Variants in PCDHGA11 observed in about 807,000 individuals in gnomAD.
The protein encoded by PCDHGA11 is protocadherin gamma subfamily A, 11, also known as protocadherin gamma-A11.
In PCDHGA11, 39 loss-of-function variants were observed where a neutral mutation model predicts 60.4. The observed-to-expected ratio is 0.65, with a 90% CI of 0.50 to 0.84. The LOEUF is 0.84. Ranked by LOEUF, PCDHGA11 falls within the 40% of genes least tolerant of loss-of-function variation. The pLI is 0.00. For missense variants in PCDHGA11, 1,165 were observed against 1,197.7 expected (o/e 0.97, Z 0.40); for synonymous variants, 533 against 510.3 (o/e 1.04, Z -0.60).
At chr5:141,464,816 G>A (rs11167751) in intron 1 of PCDHGA11, among the ~76,000 whole-genome samples, 42,470 of 151,904 alleles carry the variant, frequency 0.28, 6,668 homozygotes, top group African/African-American at 0.43. Context: ...ATAGCTCACT[G>A]TAGCCTCGCA....
intron 3 of PCDHGA11, among the ~76,000 whole-genome samples, chr5:141,508,984 C>G (rs1039260828): frequency 4.7e-4 from 72 of 152,154 alleles, no homozygotes; most frequent in African/African-American, 1.7e-3. Context: ...GGGTGGGGGC[C>G]AGCTGGGGTA....
Position 141,489,791 on chromosome 5 carries a change from C to G in PCDHGA11, c.2434-5016C>G. ...AGCCACTTCTCTCTGAATGTGAAGA[C>G]CCTAAAAGATGGGAAGCCATTCCCA... On this transcript the variant is annotated intron_variant, in intron 1 of 3. Transcript: ENST00000398587. The surrounding 1 kb of genome is among the most constrained non-coding windows in gnomAD (Gnocchi z 4.5). 2 of 1,614,174 alleles carry G rather than the reference C, an allele frequency of 1.2e-6. No individual in the cohort carries two copies. The highest frequency in any genetic ancestry group is 1.7e-6 in the Non-Finnish European group (2 of 1,180,002).
chr5:141,434,010 T>C (rs772136259), intron 1 of PCDHGA11, among the ~76,000 whole-genome samples: 26 of 152,224 alleles, frequency 1.7e-4, no homozygotes, highest in Non-Finnish European at 3.1e-4. Flanking sequence ...TATATGTTTG[T>C]TTCTATGATT....
At chr5:141,507,815 C>G (rs936926937) in intron 3 of PCDHGA11, among the ~76,000 whole-genome samples, 2 of 152,204 alleles carry the variant, frequency 1.3e-5, no homozygotes, top group African/African-American at 4.8e-5. Context: ...GGAACGGACC[C>G]TGGGGGTGGA....
Position 141,469,939 on chromosome 5 carries a change from T to G in PCDHGA11, c.2434-24868T>G, listed in dbSNP as rs1376169822. Among the ~76,000 whole-genome samples, 3 of 152,186 alleles carry G rather than the reference T, an allele frequency of 2.0e-5. No individual in the cohort carries two copies. The East Asian group carries it at 5.8e-4, about 29-fold the overall frequency. On this transcript the variant is annotated intron_variant, in intron 1 of 3. Transcript: ENST00000398587. ...CGAGGTCAGGAGTTTGAGACCAGCC[T>G]GGCCAGCATGGTGAAACCCCATCTG...
intron 2 of PCDHGA11, among the ~76,000 whole-genome samples, chr5:141,504,572 A>G (rs184273457): frequency 6.7e-6 from 1 of 148,962 alleles, no homozygotes; most frequent in Admixed American, 6.9e-5. Flanking sequence ...TCTAGGGAAC[A>G]CCATCTGCCC....
chr5:141,487,499 G>A lies in PCDHGA11; in HGVS notation c.2434-7308G>A, dbSNP rs2099647158. On this transcript the variant is annotated intron_variant, in intron 1 of 3. Transcript: ENST00000398587. This position sits in a 1 kb window ranked among gnomAD's most constrained non-coding sequence, Gnocchi z 5.0. ...CCACTCTCATGGCTGTACACCCTTGGCTTCTGCACCCACTCGGAGTGATAG... is the reference window on the plus strand; with the variant it reads ...CCACTCTCATGGCTGTACACCCTTGACTTCTGCACCCACTCGGAGTGATAG... The A allele has an allele frequency of 3.1e-6, 5 of 1,614,152 alleles. No homozygotes were observed. The highest frequency in any genetic ancestry group is 2.2e-5 in the East Asian group (1 of 44,852).
At chr5:141,471,495 T>A (rs539663010) in intron 1 of PCDHGA11, 1 of 152,318 alleles carries the variant, frequency 6.6e-6, no homozygotes, top group East Asian at 1.9e-4. Flanking sequence ...ATTTAGGGAA[T>A]GCAAGAGAGG....
Position 141,487,650 on chromosome 5 carries a change from G to A in PCDHGA11, c.2434-7157G>A. On this transcript the variant is annotated intron_variant, in intron 1 of 3. Transcript: ENST00000398587. The surrounding 1 kb of genome is among the most constrained non-coding windows in gnomAD (Gnocchi z 5.0). ...TTGCAGGCTCAACAAATGCTTGAGGGTTATTCTGATCCAGGCATATGGCTA... is the reference window on the plus strand; with the variant it reads ...TTGCAGGCTCAACAAATGCTTGAGGATTATTCTGATCCAGGCATATGGCTA... 1 of 1,613,994 alleles carries A rather than the reference G, an allele frequency of 6.2e-7. No individual in the cohort carries two copies. Among genetic ancestry groups the A allele is most frequent in the Non-Finnish European group, 8.5e-7 (1 of 1,179,954 alleles).
Position 141,432,465 on chromosome 5 carries a change from C to G in PCDHGA11, c.2433+8805C>G. ...GAGATCCTGTACCCCGCCCTCCCCACGGACGGTTCCACTGGCGTGGAGCTG... is the reference window on the plus strand; with the variant it reads ...GAGATCCTGTACCCCGCCCTCCCCAGGGACGGTTCCACTGGCGTGGAGCTG... On this transcript the variant is annotated intron_variant, in intron 1 of 3. Transcript: ENST00000398587. The surrounding 1 kb of genome is among the most constrained non-coding windows in gnomAD (Gnocchi z 6.0). The G allele has an allele frequency of 6.2e-7, 1 of 1,614,222 alleles. No individual in the cohort carries two copies. Among genetic ancestry groups the G allele is most frequent in the Non-Finnish European group, 8.5e-7 (1 of 1,180,050 alleles).
chr5:141,426,270 G>A lies in PCDHGA11; in HGVS notation c.2433+2610G>A, dbSNP rs999517850. On this transcript the variant is annotated intron_variant, in intron 1 of 3. Coordinates refer to ENST00000398587, the MANE Select transcript of PCDHGA11 (RefSeq NM_018914.3). Reference sequence around the variant, plus strand: ...TTTTCTCTTAACGTCGGAGACTGCAGCAACGCATGGGAAGGATGGGAAACA... The same window carrying A: ...TTTTCTCTTAACGTCGGAGACTGCAACAACGCATGGGAAGGATGGGAAACA... 2.6e-4 allele frequency: 43 copies of A among 163,626 alleles called. 1 individual carries two copies. The highest frequency in any genetic ancestry group is 3.0e-3 in the Middle Eastern group (1 of 328). 10.1% of individuals were successfully genotyped at this position (163,626 alleles called of 1,614,324 possible).
chr5:141,477,180 C>T lies in PCDHGA11; in HGVS notation c.2434-17627C>T. On this transcript the variant is annotated intron_variant, in intron 1 of 3. Coordinates refer to ENST00000398587, the MANE Select transcript of PCDHGA11 (RefSeq NM_018914.3). This position sits in a 1 kb window ranked among gnomAD's most constrained non-coding sequence, Gnocchi z 4.9. ...GACAACGCCCCGGAGATCACAGTCA[C>T]CTCCGTGTACAGCCCAGTACCCGAG... 1 of 1,614,196 alleles carries T rather than the reference C, an allele frequency of 6.2e-7. No homozygotes were observed. The highest frequency in any genetic ancestry group is 8.5e-7 in the Non-Finnish European group (1 of 1,180,032).
At chr5:141,484,950 T>G in intron 1 of PCDHGA11, 1 of 561,950 alleles carries the variant, frequency 1.8e-6, no homozygotes, top group Non-Finnish European at 3.2e-6. Context: ...GCTCAGCCTA[T>G]TGGCTGAGCC....
chr5:141,431,726 G>C lies in PCDHGA11; in HGVS notation c.2433+8066G>C. On this transcript the variant is annotated intron_variant, in intron 1 of 3. Coordinates refer to ENST00000398587, the MANE Select transcript of PCDHGA11 (RefSeq NM_018914.3). The surrounding 1 kb of genome is among the most constrained non-coding windows in gnomAD (Gnocchi z 4.8). ...CTACCAGATGGAAGTGCAAGCAATG[G>C]ATAATGCAGGATATTCTGCGCGAGC... The C allele has an allele frequency of 6.2e-7, 1 of 1,614,204 alleles. No homozygotes were observed. Among genetic ancestry groups the C allele is most frequent in the Non-Finnish European group, 8.5e-7 (1 of 1,180,032 alleles).
Position 141,421,202 on chromosome 5 carries a change from C to G in PCDHGA11, c.-26C>G, listed in dbSNP as rs1345590720. ...TTCACAACCAACCAGCTCGAGAAAC[C>G]GCGGAATATCGGCTTAGAGCCTGCC... On this transcript the variant is annotated 5_prime_UTR_variant, in exon 1 of 4. Coordinates refer to ENST00000398587, the MANE Select transcript of PCDHGA11 (RefSeq NM_018914.3). 6.6e-7 allele frequency: 1 copy of G among 1,519,226 alleles called. No individual in the cohort carries two copies. The highest frequency in any genetic ancestry group is 8.8e-7 in the Non-Finnish European group (1 of 1,135,530). The allele number at this position is 1,519,226 out of a possible 1,614,324, so 94.1% of individuals were successfully genotyped here. A position where few individuals can be genotyped will look rare whatever the true frequency, so the allele number is the denominator to read the frequency against.
In PCDHGA11 at chr5:141,439,058, TGGCA is replaced by T. The variant is rs1241503235; in HGVS notation, c.2433+15402_2433+15405del. On this transcript the variant is annotated intron_variant, in intron 1 of 3. Transcript: ENST00000398587. ...CAGTTCATAAGATTTCCATATTGTG[TGGCA>T]GGCGCCTGTAATCCCAGCTACTCAG... 2.0e-5 allele frequency among the ~76,000 whole-genome samples: 3 copies of T among 151,580 alleles called. No individual in the cohort carries two copies. The East Asian group carries it at 5.9e-4, about 30-fold the overall frequency.
At chr5:141,450,509 G>A (rs2098683055) in intron 1 of PCDHGA11, among the ~76,000 whole-genome samples, 1 of 151,878 alleles carries the variant, frequency 6.6e-6, no homozygotes, top group African/African-American at 2.4e-5. Flanking sequence ...GTTTTGAGAT[G>A]GAGTCTCATT....
chr5:141,444,589 C>A (rs1198742574), intron 1 of PCDHGA11, among the ~76,000 whole-genome samples: 1 of 152,068 alleles, frequency 6.6e-6, no homozygotes, highest in Non-Finnish European at 1.5e-5. Context: ...TTTCTACTTA[C>A]CTTATTTAAA....
At chr5:141,494,161 T>G (rs1420295862) in intron 1 of PCDHGA11, among the ~76,000 whole-genome samples, 3 of 152,052 alleles carry the variant, frequency 2.0e-5, no homozygotes, top group African/African-American at 7.3e-5. Flanking sequence ...TGGCACGGAG[T>G]TCTAGGGGTG....
Sources: allele counts gnomAD v4.1 joint callset (sites outside exome capture counted in the v4.1 genomes callset), GRCh38; gene constraint gnomAD v4.1.1; non-coding constraint Gnocchi (gnomAD v3.1); transcripts MANE v1.5; gene names NCBI Gene and HGNC (gene_info 2026-07-23, HGNC 2026-07-21).